PTPRD: variants seen among roughly 807,000 people sequenced by gnomAD.
The protein encoded by PTPRD is protein tyrosine phosphatase receptor type D.
Under a neutral mutation model 214.5 loss-of-function variants are expected in PTPRD, and 34 were observed. That is an observed-to-expected ratio of 0.16 (90% CI 0.12 to 0.21). The LOEUF is 0.21. PTPRD is among the 10% of genes least tolerant of loss of function. The pLI is 1.00. For missense variants in PTPRD, 2,545 were observed against 2,398.7 expected (o/e 1.06, Z -1.27); for synonymous variants, 1,128 against 845.7 (o/e 1.33, Z -5.79).
intron 2 of PTPRD, among the ~76,000 whole-genome samples, chr9:10,514,206 A>G (rs953609472): frequency 2.0e-5 from 3 of 152,190 alleles, no homozygotes; most frequent in Admixed American, 2.0e-4. Flanking sequence ...ATAGATACAT[A>G]TATTTACTTG....
intron 2 of PTPRD, among the ~76,000 whole-genome samples, chr9:10,410,491 T>G (rs1172746775): frequency 6.6e-6 from 1 of 151,144 alleles, no homozygotes; most frequent in African/African-American, 2.4e-5. Context: ...ATCAAGATGG[T>G]TTATAGACAC....
At chr9:10,195,113 T>G (rs543171194) in intron 3 of PTPRD, among the ~76,000 whole-genome samples, 243 of 147,976 alleles carry the variant, frequency 1.6e-3, no homozygotes, top group African/African-American at 6.0e-3. Context: ...TTTTTTTTTT[T>G]TTTTTTTTGT....
intron 10 of PTPRD, among the ~76,000 whole-genome samples, chr9:9,114,699 A>C (rs1314744727): frequency 6.6e-6 from 1 of 152,122 alleles, no homozygotes; most frequent in Non-Finnish European, 1.5e-5. Flanking sequence ...TACAAGCTCC[A>C]AAAAATAAGG....
chr9:9,424,135 C>T (rs972313021), intron 8 of PTPRD, among the ~76,000 whole-genome samples: 3 of 152,168 alleles, frequency 2.0e-5, no homozygotes, highest in Non-Finnish European at 4.4e-5. Context: ...AAGATCTGGA[C>T]CACTTGAAGG....
At position 9,298,917 on chromosome 9, in the gene PTPRD, T is replaced by C. The variant is rs770399631; in HGVS notation, c.-203+98532A>G. Among the ~76,000 whole-genome samples, 22 of 151,938 alleles carry C rather than the reference T, an allele frequency of 1.4e-4. No individual in the cohort carries two copies. The Middle Eastern group carries it at 0.01, about 70-fold the overall frequency. ...CAGCTTAAAAATGTTTCCATCACAA[T>C]GAGCATGAAATAAAAGGAGTCTATT... On this transcript the variant is annotated intron_variant, in intron 9 of 45. Coordinates refer to ENST00000381196, the MANE Select transcript of PTPRD (RefSeq NM_002839.4).
chr9:8,597,194 T>C (rs1014527850), intron 14 of PTPRD, among the ~76,000 whole-genome samples: 1 of 152,170 alleles, frequency 6.6e-6, no homozygotes, highest in Non-Finnish European at 1.5e-5. Flanking sequence ...GATTTAACCC[T>C]GGAAGAGCAG....
chr9:8,462,152 A>C (rs2096429257), intron 32 of PTPRD, among the ~76,000 whole-genome samples: 1 of 151,968 alleles, frequency 6.6e-6, no homozygotes, highest in Non-Finnish European at 1.5e-5. Context: ...TCAAATTAGT[A>C]TGAGTTTCTT....
chr9:9,607,807 G>A (rs1403882207), intron 7 of PTPRD, among the ~76,000 whole-genome samples: 3 of 151,590 alleles, frequency 2.0e-5, no homozygotes, highest in East Asian at 1.9e-4. Flanking sequence ...GATAGATTCC[G>A]AAGGCTTGCC....
chr9:8,578,860 G>T (rs901046455), intron 14 of PTPRD, among the ~76,000 whole-genome samples: 14 of 152,162 alleles, frequency 9.2e-5, no homozygotes, highest in African/African-American at 3.1e-4. Flanking sequence ...CAAATTACAT[G>T]AAATTAGTAA....
chr9:10,347,219 T>C (rs1297905993), intron 2 of PTPRD, among the ~76,000 whole-genome samples: 2 of 152,054 alleles, frequency 1.3e-5, no homozygotes, highest in African/African-American at 4.8e-5. Flanking sequence ...AGTCCAGAAC[T>C]AGTCCTGCCT....
chr9:9,056,885 C>T (rs2099697220), intron 10 of PTPRD, among the ~76,000 whole-genome samples: 1 of 152,196 alleles, frequency 6.6e-6, no homozygotes, highest in African/African-American at 2.4e-5. Context: ...AAGAATCCAT[C>T]AGGATGATGC....
intron 3 of PTPRD, among the ~76,000 whole-genome samples, chr9:10,064,688 A>C (rs2097844651): frequency 6.6e-6 from 1 of 151,982 alleles, no homozygotes; most frequent in Admixed American, 6.6e-5. Flanking sequence ...CAAAAACCAT[A>C]TGACCAAAGC....
intron 9 of PTPRD, among the ~76,000 whole-genome samples, chr9:9,201,133 GAA>G (rs2099941600): frequency 6.6e-6 from 1 of 152,092 alleles, no homozygotes; most frequent in Non-Finnish European, 1.5e-5. Context: ...GACATCTTCA[GAA>G]AAGCTTTTTT....
chr9:9,985,071 C>A (rs1049376894), intron 4 of PTPRD, among the ~76,000 whole-genome samples: 1 of 152,180 alleles, frequency 6.6e-6, no homozygotes, highest in South Asian at 2.1e-4. Flanking sequence ...CATATACCCA[C>A]ATGCAAATAC....
intron 11 of PTPRD, among the ~76,000 whole-genome samples, chr9:8,866,664 A>G (rs1169412129): frequency 2.6e-5 from 4 of 152,202 alleles, no homozygotes; most frequent in Non-Finnish European, 5.9e-5. Flanking sequence ...CCAATAGCCT[A>G]AATTCCAGCA....
intron 14 of PTPRD, among the ~76,000 whole-genome samples, chr9:8,566,716 G>A (rs897785154): frequency 6.6e-6 from 1 of 152,108 alleles, no homozygotes; most frequent in African/African-American, 2.4e-5. Context: ...AATAAGAATG[G>A]AGTCAAATTC....
intron 2 of PTPRD, among the ~76,000 whole-genome samples, chr9:10,476,474 A>C (rs1167687065): frequency 6.6e-6 from 1 of 151,984 alleles, no homozygotes; most frequent in Non-Finnish European, 1.5e-5. Context: ...TCCACTACTA[A>C]AGGAAGTAAA....
intron 11 of PTPRD, among the ~76,000 whole-genome samples, chr9:8,831,842 T>G (rs1487590467): frequency 2.0e-5 from 3 of 152,190 alleles, no homozygotes; most frequent in Non-Finnish European, 4.4e-5. Context: ...TTACATATAC[T>G]AATTTGACAA....
At chr9:8,572,094 T>G (rs143797751) in intron 14 of PTPRD, among the ~76,000 whole-genome samples, 85 of 152,244 alleles carry the variant, frequency 5.6e-4, no homozygotes, top group South Asian at 2.7e-3. Flanking sequence ...TTTAGAAATA[T>G]ATTCAGGTAG....
Sources: gnomAD v4.1 joint callset for allele counts (sites outside exome capture counted in the v4.1 genomes callset) on GRCh38, gnomAD v4.1.1 for gene constraint, MANE v1.5 for transcripts, NCBI Gene and HGNC (gene_info 2026-07-23, HGNC 2026-07-21) for gene names.